The following GSE1 variants were observed in gnomAD, a reference collection of about 807,000 sequenced individuals.
GSE1 encodes Gse1 coiled-coil protein, also known as genetic suppressor element 1.
In GSE1, 32 loss-of-function variants were observed where a neutral mutation model predicts 112.6. The observed-to-expected ratio is 0.28, with a 90% CI of 0.21 to 0.38. The LOEUF (loss-of-function observed/expected upper bound fraction) is 0.38. GSE1 is among the 10% of genes least tolerant of loss of function. The probability of loss-of-function intolerance (pLI) is 1.00; values close to 1 mark genes in which losing one functional copy is unlikely to be tolerated. For synonymous variants in GSE1, 1,115 were observed against 735.6 expected, an observed-to-expected ratio of 1.52 and a Z score of -8.35; for missense variants, 2,348 against 1,699.2, an observed-to-expected ratio of 1.38 and a Z score of -6.71.
At chr16:85,629,997 G>A (rs1445646018) in intron 1 of GSE1, among the ~76,000 whole-genome samples, 2 of 152,246 alleles carry the variant, frequency 1.3e-5, no homozygotes, top group African/African-American at 2.4e-5. Flanking sequence ...GGTCTGTGAT[G>A]AGCCTACTTG....
intron 2 of GSE1, among the ~76,000 whole-genome samples, chr16:85,433,598 G>GGATA (rs1356316589): frequency 1.1e-5 from 1 of 89,734 alleles, no homozygotes; most frequent in East Asian, 3.4e-4. Context: ...CTGGATGGAT[G>GGATA]GATGGATGGA....
At chr16:85,445,515 G>A (rs943726884) in intron 2 of GSE1, among the ~76,000 whole-genome samples, 2 of 152,234 alleles carry the variant, frequency 1.3e-5, no homozygotes, top group African/African-American at 2.4e-5. Flanking sequence ...CGTGGCGGGC[G>A]GCTGGCAGCG....
chr16:85,334,403 C>G (rs1389742622), intron 1 of GSE1, among the ~76,000 whole-genome samples: 1 of 152,238 alleles, frequency 6.6e-6, no homozygotes, highest in Non-Finnish European at 1.5e-5. Flanking sequence ...GCTGGAGTCA[C>G]CATCCTGTTG....
chr16:85,194,695 T>C (rs543755400), intron 1 of GSE1, among the ~76,000 whole-genome samples: 4 of 152,298 alleles, frequency 2.6e-5, no homozygotes, highest in South Asian at 2.1e-4. Context: ...GCAGGACTTA[T>C]CAGTGCCTTT....
At chr16:85,390,725 C>T (rs2047820930) in intron 2 of GSE1, among the ~76,000 whole-genome samples, 1 of 147,860 alleles carries the variant, frequency 6.8e-6, no homozygotes, top group Non-Finnish European at 1.5e-5. Flanking sequence ...CTCCCCGCCA[C>T]CGCCCAGCTC....
intron 1 of GSE1, among the ~76,000 whole-genome samples, chr16:85,596,285 A>G (rs2047223620): frequency 6.6e-6 from 1 of 152,150 alleles, no homozygotes; most frequent in Non-Finnish European, 1.5e-5. Context: ...AGAACGCATC[A>G]CTGACTTGGG....
chr16:85,544,166 G>A (rs535195374), intron 2 of GSE1, among the ~76,000 whole-genome samples: 3 of 152,244 alleles, frequency 2.0e-5, no homozygotes, highest in South Asian at 2.1e-4. Context: ...TGACTGTGCC[G>A]TTCTATTGAC....
rs982646075 is a variant in GSE1, at chr16:85,419,186, C to T, written c.2464+61543C>T. ...CACCGAGCCTGGGGATTCTGACAGT[C>T]AGAGGCTGCCTTAGTCTCTGCAGGG... On this transcript the variant is annotated intron_variant, in intron 2 of 2. Coordinates refer to the GSE1 transcript ENST00000637419. The surrounding 1 kb of genome is among the most constrained non-coding windows in gnomAD (Gnocchi z 6.5). 3.3e-5 allele frequency among the ~76,000 whole-genome samples: 5 copies of T among 152,166 alleles called. No individual in the cohort carries two copies. The highest frequency in any genetic ancestry group is 1.2e-4 in the African/African-American group (5 of 41,436).
intron 2 of GSE1, among the ~76,000 whole-genome samples, chr16:85,544,582 C>T (rs879649051): frequency 9.9e-5 from 15 of 152,204 alleles, no homozygotes; most frequent in Admixed American, 2.0e-4. Context: ...AGCTCGCACC[C>T]AGCATGAGGG....
chr16:85,447,889 C>T (rs1440872700), intron 2 of GSE1, among the ~76,000 whole-genome samples: 5 of 152,212 alleles, frequency 3.3e-5, no homozygotes, highest in Admixed American at 1.3e-4. Flanking sequence ...AAGTGACTTG[C>T]CCAGGGTCAC....
intron 1 of GSE1, among the ~76,000 whole-genome samples, chr16:85,356,588 G>A (rs1488355735): frequency 6.6e-6 from 1 of 152,202 alleles, no homozygotes; most frequent in Non-Finnish European, 1.5e-5. Flanking sequence ...ACCAGGTGCC[G>A]CCCCACCTGT....
chr16:85,665,531 C>T (rs1309460772), intron 12 of GSE1, among the ~76,000 whole-genome samples: 2 of 152,350 alleles, frequency 1.3e-5, no homozygotes, highest in East Asian at 3.9e-4. Flanking sequence ...TCTTCCTGCT[C>T]TTTGTCTTCC....
chr16:85,497,192 C>G (rs1459893198), intron 2 of GSE1, among the ~76,000 whole-genome samples: 1 of 152,256 alleles, frequency 6.6e-6, no homozygotes, highest in South Asian at 2.1e-4. Flanking sequence ...AGCCACCATG[C>G]CTGGCCCTGA....
intron 2 of GSE1, among the ~76,000 whole-genome samples, chr16:85,361,684 T>A (rs1462971749): frequency 1.3e-5 from 2 of 152,186 alleles, no homozygotes; most frequent in African/African-American, 4.8e-5. Context: ...GGACAGCAGC[T>A]TTTGCCAGGG....
chr16:85,334,824 T>TA (rs1320872644), intron 1 of GSE1, among the ~76,000 whole-genome samples: 1 of 152,246 alleles, frequency 6.6e-6, no homozygotes, highest in Non-Finnish European at 1.5e-5. Context: ...TCTGAAAAGC[T>TA]GTCCTTTTGT....
Position 85,464,243 on chromosome 16 carries a change from G to A in GSE1, c.2464+106600G>A, listed in dbSNP as rs568594689. On this transcript the variant is annotated intron_variant, in intron 2 of 2. Coordinates refer to the GSE1 transcript ENST00000637419. Reference sequence around the variant, plus strand: ...AGTCATTTGTGGAGAGGTCGCGAACGGTTGATGATTATAGTCCAGTGGGTA... The same window carrying A: ...AGTCATTTGTGGAGAGGTCGCGAACAGTTGATGATTATAGTCCAGTGGGTA... 8.5e-5 allele frequency among the ~76,000 whole-genome samples: 13 copies of A among 152,222 alleles called. No homozygotes were observed. In the South Asian group the frequency reaches 2.5e-3, roughly 29 times the overall value.
At chr16:85,181,282 G>A (rs183653443) in intron 1 of GSE1, among the ~76,000 whole-genome samples, 32 of 152,314 alleles carry the variant, frequency 2.1e-4, no homozygotes, top group Middle Eastern at 3.4e-3. Context: ...CCCCATGGGC[G>A]GATGGTATCA....
intron 1 of GSE1, among the ~76,000 whole-genome samples, chr16:85,589,182 GA>G (rs1350846276): frequency 6.6e-6 from 1 of 152,180 alleles, no homozygotes; most frequent in Non-Finnish European, 1.5e-5. Flanking sequence ...GAGCTGAAAG[GA>G]ACGTTGGTGA....
At chr16:85,196,424 G>A (rs376802575) in intron 1 of GSE1, among the ~76,000 whole-genome samples, 5 of 152,252 alleles carry the variant, frequency 3.3e-5, no homozygotes, top group East Asian at 1.9e-4. Context: ...AGGGATTGGC[G>A]TCAAGTTCAC....
Sources: gnomAD v4.1 joint callset for allele counts (sites outside exome capture counted in the v4.1 genomes callset) on GRCh38, gnomAD v4.1.1 for gene constraint, Gnocchi (gnomAD v3.1) non-coding constraint, MANE v1.5 for transcripts, NCBI Gene and HGNC (gene_info 2026-07-23, HGNC 2026-07-21) for gene names.